SMYD3: variants seen among roughly 807,000 people sequenced by gnomAD.
SMYD3 encodes the protein histone-lysine N-methyltransferase SMYD3.
SMYD3 carries 36 observed loss-of-function variants against 57.7 expected under a neutral mutation model. The observed-to-expected ratio is 0.62, with a 90% confidence interval of 0.48 to 0.82. The LOEUF is 0.82. Among genes scored for constraint, SMYD3 ranks in the 40% least tolerant of loss-of-function variants. The probability of loss-of-function intolerance (pLI) is 0.00; values close to 1 mark genes in which losing one functional copy is unlikely to be tolerated. For synonymous variants in SMYD3, 211 were observed against 195.0 expected (o/e 1.08, Z -0.68); for missense variants, 515 against 538.8 (o/e 0.96, Z 0.44).
chr1:245,985,028 T>C (rs1572845941), intron 5 of SMYD3, among the ~76,000 whole-genome samples: 1 of 152,128 alleles, frequency 6.6e-6, no homozygotes. Flanking sequence ...TGTTTGACTC[T>C]CTGCCTTACC....
chr1:246,212,098 G>A (rs867665858), intron 5 of SMYD3, among the ~76,000 whole-genome samples: 7 of 151,986 alleles, frequency 4.6e-5, no homozygotes, highest in South Asian at 4.1e-4. Flanking sequence ...AGGATGTAGC[G>A]ACATAAAAAT....
At chr1:245,983,618 A>T (rs1194114244) in intron 5 of SMYD3, among the ~76,000 whole-genome samples, 2 of 152,202 alleles carry the variant, frequency 1.3e-5, no homozygotes, top group Non-Finnish European at 2.9e-5. Flanking sequence ...AATTTCTCAT[A>T]TTGGTTTGAT....
intron 5 of SMYD3, 42 bp downstream of exon 5, chr1:246,327,159 G>A (rs2065368274): frequency 2.5e-6 from 4 of 1,610,706 alleles, no homozygotes; most frequent in Non-Finnish European, 3.4e-6. Context: ...AGGAGCAAAT[G>A]GTTGATGTAT....
chr1:246,410,105 G>A (rs1011059804), intron 1 of SMYD3, among the ~76,000 whole-genome samples: 34 of 152,196 alleles, frequency 2.2e-4, no homozygotes, highest in Non-Finnish European at 4.4e-4. Context: ...ATACAATCAT[G>A]TCATCTGCAA....
chr1:245,863,416 C>T (rs1283008156), intron 9 of SMYD3, among the ~76,000 whole-genome samples: 3 of 152,124 alleles, frequency 2.0e-5, no homozygotes, highest in African/African-American at 7.2e-5. Flanking sequence ...CTGGGTCTGA[C>T]GGTCAATGGC....
chr1:246,235,218 C>T (rs1892210), intron 5 of SMYD3, among the ~76,000 whole-genome samples: 146,513 of 152,312 alleles, frequency 0.96, 70,507 homozygotes, highest in East Asian at 1. Context: ...GCTTTCCCCA[C>T]TGTAACTGGA....
rs76773151 is a variant in SMYD3 at position 246,168,540 on chromosome 1, C to T, written c.531+158661G>A. Among the ~76,000 whole-genome samples, 1,372 of 152,280 alleles carry T rather than the reference C, an allele frequency of 9.0e-3. 12 individuals are homozygous for T. Among genetic ancestry groups the T allele is most frequent in the Non-Finnish European group, 0.016 (1,082 of 68,026 alleles). On this transcript the variant is annotated intron_variant, in intron 5 of 11. Coordinates refer to ENST00000490107, the MANE Select transcript of SMYD3 (RefSeq NM_001167740.2). ...TGGCTATACAGACACTCCACAGGGA[C>T]CAAATCTCCTGCCCCATCACACATT... is the stretch of plus-strand genomic sequence containing the variant.
At chr1:245,900,951 G>A (rs1572635038) in intron 8 of SMYD3, among the ~76,000 whole-genome samples, 1 of 152,314 alleles carries the variant, frequency 6.6e-6, no homozygotes, top group East Asian at 1.9e-4. Context: ...CAATAAAGTA[G>A]ATTGAATCTT....
intron 5 of SMYD3, among the ~76,000 whole-genome samples, chr1:246,321,177 C>A (rs964566796): frequency 1.3e-5 from 2 of 152,228 alleles, no homozygotes; most frequent in Non-Finnish European, 2.9e-5. Flanking sequence ...CTGGGCACAA[C>A]TGTGAGCAAC....
intron 5 of SMYD3, chr1:246,326,532 G>C (rs2065353557): frequency 2.0e-6 from 1 of 512,294 alleles, no homozygotes; most frequent in Admixed American, 3.8e-5. Flanking sequence ...CCAGCACTTT[G>C]GGAGGCCGAG....
At chr1:245,864,521 C>G (rs115614792) in intron 8 of SMYD3, among the ~76,000 whole-genome samples, 2,384 of 152,242 alleles carry the variant, frequency 0.016, 31 homozygotes, top group Non-Finnish European at 0.022. Context: ...ATCACAAAGA[C>G]CACATGTATG....
At chr1:245,948,614 A>G (rs764986799) in intron 5 of SMYD3, among the ~76,000 whole-genome samples, 2 of 144,820 alleles carry the variant, frequency 1.4e-5, no homozygotes, top group Non-Finnish European at 3.0e-5. Flanking sequence ...TTGAGGGCCC[A>G]GCTTCCACCA....
intron 8 of SMYD3, among the ~76,000 whole-genome samples, chr1:245,907,085 G>A (rs1262634008): frequency 1.3e-5 from 2 of 152,206 alleles, no homozygotes; most frequent in African/African-American, 4.8e-5. Flanking sequence ...GTGGTTTACA[G>A]GGGACGTGAG....
Position 246,315,553 on chromosome 1 carries a change from G to A in SMYD3, c.531+11648C>T, listed in dbSNP as rs569606845. 3.5e-3 allele frequency among the ~76,000 whole-genome samples: 533 copies of A among 152,282 alleles called. 3 individuals carry two copies. The highest frequency in any genetic ancestry group is 0.031 in the Middle Eastern group (9 of 294). ...TTATAGAGACAACCCATCCTGACAC[G>A]TAATTCTAATCCTCAGTGAAACTCT... is the stretch of plus-strand genomic sequence containing the variant. On this transcript the variant is annotated intron_variant, in intron 5 of 11. Coordinates refer to ENST00000490107, the MANE Select transcript of SMYD3 (RefSeq NM_001167740.2).
At chr1:246,259,363 T>A (rs966998198) in intron 5 of SMYD3, among the ~76,000 whole-genome samples, 1 of 152,232 alleles carries the variant, frequency 6.6e-6, no homozygotes, top group Non-Finnish European at 1.5e-5. Context: ...ATTATTTTCA[T>A]GTAGGTAGGA....
intron 10 of SMYD3, among the ~76,000 whole-genome samples, chr1:245,840,451 G>A (rs1442412847): frequency 6.6e-6 from 1 of 151,998 alleles, no homozygotes; most frequent in Non-Finnish European, 1.5e-5. Flanking sequence ...AAGAACAAGA[G>A]TACTAAATCT....
intron 5 of SMYD3, chr1:246,326,157 T>C (rs1053376966): frequency 3.6e-4 from 144 of 395,072 alleles, no homozygotes; most frequent in Middle Eastern, 2.6e-3. Context: ...TTTTAAAACA[T>C]GCCTTAAAAT....
At chr1:246,467,394 A>T (rs1039494602) in intron 1 of SMYD3, among the ~76,000 whole-genome samples, 2 of 152,136 alleles carry the variant, frequency 1.3e-5, no homozygotes, top group African/African-American at 2.4e-5. Flanking sequence ...GGCTAGAAAA[A>T]CAATACAAAA....
intron 1 of SMYD3, among the ~76,000 whole-genome samples, chr1:246,410,121 G>T (rs973635160): frequency 1.3e-5 from 2 of 152,166 alleles, no homozygotes; most frequent in African/African-American, 4.8e-5. Context: ...TGCAAACAGG[G>T]ACAATTTGAC....
Sources: gnomAD v4.1 joint callset for allele counts (sites outside exome capture counted in the v4.1 genomes callset) on GRCh38, gnomAD v4.1.1 for gene constraint, MANE v1.5 for transcripts, NCBI Gene and HGNC (gene_info 2026-07-23, HGNC 2026-07-21) for gene names.